The following CREB5 variants were observed in gnomAD, a reference collection of about 807,000 sequenced individuals.
CREB5 encodes the protein cyclic AMP-responsive element-binding protein 5.
In CREB5, 19 loss-of-function variants were observed where a neutral mutation model predicts 57.1. The ratio of observed to expected loss-of-function variants is 0.33; its 90% CI spans 0.23 to 0.49. The LOEUF is 0.49. CREB5 is among the 20% of genes least tolerant of loss of function. The pLI, the probability that CREB5 is intolerant of heterozygous loss-of-function variation, is 0.99. For missense variants in CREB5, 579 were observed against 671.6 expected (o/e 0.86, Z 1.52); for synonymous variants, 238 against 238.3 (o/e 1.00, Z 0.01).
At chr7:28,759,882 T>C (rs985501928) in intron 7 of CREB5, among the ~76,000 whole-genome samples, 3 of 152,192 alleles carry the variant, frequency 2.0e-5, no homozygotes, top group Admixed American at 1.3e-4. Flanking sequence ...TTGTTTATTA[T>C]GTGGAAGAAA....
chr7:28,549,103 G>C (rs1440977402), intron 4 of CREB5, among the ~76,000 whole-genome samples: 2 of 152,080 alleles, frequency 1.3e-5, no homozygotes, highest in African/African-American at 4.8e-5. Context: ...TCAAATCTTA[G>C]AATCGAATTG....
chr7:28,382,362 T>C (rs1786982484), intron 1 of CREB5, among the ~76,000 whole-genome samples: 2 of 152,154 alleles, frequency 1.3e-5, no homozygotes, highest in Non-Finnish European at 2.9e-5. Flanking sequence ...CAAAACCATC[T>C]GGGTTTCACT....
intron 5 of CREB5, 148 bp downstream of exon 5, chr7:28,570,685 G>A: frequency 2.1e-6 from 2 of 933,874 alleles, no homozygotes; most frequent in Non-Finnish European, 3.1e-6. Context: ...TTTGATGGGA[G>A]AAGGGAGGAG....
At chr7:28,816,786 A>G (rs1809464712) in intron 9 of CREB5, among the ~76,000 whole-genome samples, 1 of 152,232 alleles carries the variant, frequency 6.6e-6, no homozygotes, top group Non-Finnish European at 1.5e-5. Context: ...AATGACAGCA[A>G]TGTTAATCGT....
chr7:28,648,706 C>T (rs1799004883), intron 5 of CREB5, among the ~76,000 whole-genome samples: 1 of 152,002 alleles, frequency 6.6e-6, no homozygotes, highest in South Asian at 2.1e-4. Flanking sequence ...CATGCTACTG[C>T]ACTCCAGCCT....
intron 7 of CREB5, among the ~76,000 whole-genome samples, chr7:28,741,660 C>T (rs922977006): frequency 6.6e-6 from 1 of 152,138 alleles, no homozygotes; most frequent in African/African-American, 2.4e-5. Flanking sequence ...ATTTCGAAAC[C>T]AGAGGAATGA....
intron 5 of CREB5, among the ~76,000 whole-genome samples, chr7:28,586,717 C>G (rs145287868): frequency 2.0e-5 from 3 of 152,322 alleles, no homozygotes; most frequent in African/African-American, 7.2e-5. Context: ...AAATACAAAA[C>G]AAGTTCTAAT....
chr7:28,560,947 T>A (rs201908213), intron 4 of CREB5, among the ~76,000 whole-genome samples: 1 of 21,186 alleles, frequency 4.7e-5, no homozygotes, highest in Non-Finnish European at 9.6e-5. Context: ...CGTGCGTGTG[T>A]GTGCGTGTGT....
intron 1 of CREB5, among the ~76,000 whole-genome samples, chr7:28,394,316 G>A (rs1205924665): frequency 1.3e-5 from 2 of 151,946 alleles, no homozygotes; most frequent in African/African-American, 4.8e-5. Context: ...GTTACAAATA[G>A]GGTAGATATT....
At chr7:28,491,774 T>G (rs1791819423) in intron 2 of CREB5, among the ~76,000 whole-genome samples, 1 of 152,158 alleles carries the variant, frequency 6.6e-6, no homozygotes, top group Admixed American at 6.5e-5. Flanking sequence ...GTCAAGCCAA[T>G]TGTTGTGGCC....
At chr7:28,630,524 T>C (rs1798163013) in intron 5 of CREB5, among the ~76,000 whole-genome samples, 1 of 152,210 alleles carries the variant, frequency 6.6e-6, no homozygotes, top group Admixed American at 6.5e-5. Flanking sequence ...CATTTTCACC[T>C]GACATATTGC....
intron 2 of CREB5, among the ~76,000 whole-genome samples, chr7:28,493,380 T>C (rs954959265): frequency 7.9e-5 from 12 of 152,222 alleles, no homozygotes; most frequent in Non-Finnish European, 1.6e-4. Flanking sequence ...TCTGCTATAA[T>C]AACAAATTAC....
chr7:28,429,951 GAA>G (rs1491483929), intron 1 of CREB5, among the ~76,000 whole-genome samples: 3 of 152,312 alleles, frequency 2.0e-5, no homozygotes, highest in East Asian at 1.9e-4. Context: ...GATAATGAAA[GAA>G]AGAGATCTGA....
Position 28,407,135 on chromosome 7 carries a change from C to T in CREB5, c.-24-87771C>T, listed in dbSNP as rs546750557. Among the ~76,000 whole-genome samples, 12 of 151,994 alleles carry T rather than the reference C, an allele frequency of 7.9e-5. No homozygotes were observed. The East Asian group carries it at 1.4e-3, about 17-fold the overall frequency. On this transcript the variant is annotated intron_variant, in intron 1 of 9. Coordinates refer to the CREB5 transcript ENST00000396299. ...TGTGATCTCAGCTCACTGCAACCTC[C>T]GCCTCCCAGATTCAAGCGATTCTCC...
chr7:28,795,075 C>T (rs1807949441), intron 7 of CREB5, among the ~76,000 whole-genome samples: 1 of 152,150 alleles, frequency 6.6e-6, no homozygotes, highest in South Asian at 2.1e-4. Context: ...GAACAGGACT[C>T]TCACTCTCTT....
intron 5 of CREB5, among the ~76,000 whole-genome samples, chr7:28,651,888 G>T (rs73302876): frequency 0.03 from 4,578 of 152,206 alleles, 240 homozygotes; most frequent in African/African-American, 0.11. Flanking sequence ...AGGAAGCACC[G>T]CTAGGTAGGA....
At chr7:28,462,219 T>A (rs1023545106) in intron 1 of CREB5, among the ~76,000 whole-genome samples, 5 of 152,236 alleles carry the variant, frequency 3.3e-5, no homozygotes, top group African/African-American at 1.2e-4. Flanking sequence ...TTTTTCAAGG[T>A]TCACCCATGT....
chr7:28,522,390 G>GTTTTTTTTTTTTTTT (rs11291433), intron 4 of CREB5, among the ~76,000 whole-genome samples: 1 of 97,604 alleles, frequency 1.0e-5, no homozygotes, highest in Non-Finnish European at 2.1e-5. Flanking sequence ...CCTGCTCTTT[G>GTTTTTTTTTTTTTTT]TTTTTTTTTT....
chr7:28,638,165 G>A (rs1435238398), intron 5 of CREB5, among the ~76,000 whole-genome samples: 5 of 151,542 alleles, frequency 3.3e-5, no homozygotes, highest in African/African-American at 1.2e-4. Context: ...GCAAAGATAC[G>A]GACTAAGAAT....
Sources: gnomAD v4.1 joint callset for allele counts (sites outside exome capture counted in the v4.1 genomes callset) on GRCh38, gnomAD v4.1.1 for gene constraint, MANE v1.5 for transcripts, NCBI Gene and HGNC (gene_info 2026-07-23, HGNC 2026-07-21) for gene names.